ADGRA3: variants seen among roughly 807,000 people sequenced by gnomAD.
ADGRA3 encodes the protein adhesion G protein-coupled receptor A3.
In ADGRA3, 56 loss-of-function variants were observed where a neutral mutation model predicts 119.8. The observed-to-expected ratio is 0.47, with a 90% CI of 0.38 to 0.58. The LOEUF (loss-of-function observed/expected upper bound fraction) is 0.58, where lower values mean the gene tolerates loss of function less well. Among genes scored for constraint, ADGRA3 ranks in the 20% least tolerant of loss-of-function variants. The probability of loss-of-function intolerance (pLI) is 0.00; values close to 1 mark genes in which losing one functional copy is unlikely to be tolerated. For synonymous variants in ADGRA3, 607 were observed against 623.8 expected (o/e 0.97, Z 0.40); for missense variants, 1,516 against 1,649.0 (o/e 0.92, Z 1.40).
intron 14 of ADGRA3, among the ~76,000 whole-genome samples, chr4:22,410,951 TAA>T (rs1715174984): frequency 6.6e-6 from 1 of 152,164 alleles, no homozygotes; most frequent in African/African-American, 2.4e-5. Context: ...TTTAAGAGAT[TAA>T]AAGTCTGAAA....
intron 1 of ADGRA3, 126 bp from the exon 2 acceptor site, chr4:22,473,969 T>C: frequency 1.9e-6 from 1 of 534,282 alleles, no homozygotes; most frequent in Non-Finnish European, 3.2e-6. Context: ...ATGTTTGAGA[T>C]GGCTGAAAAA....
At chr4:22,507,584 G>C (rs140655994) in intron 1 of ADGRA3, among the ~76,000 whole-genome samples, 1 of 152,242 alleles carries the variant, frequency 6.6e-6, no homozygotes, top group East Asian at 1.9e-4. Context: ...TATCATATTC[G>C]TTTGTTTTGG....
chr4:22,411,978 G>C (rs1281418732), intron 14 of ADGRA3, among the ~76,000 whole-genome samples: 1 of 151,846 alleles, frequency 6.6e-6, no homozygotes, highest in Non-Finnish European at 1.5e-5. Flanking sequence ...ACATACAAGA[G>C]TCAAAGAAAA....
At chr4:22,470,615 G>A (rs779656236) in intron 2 of ADGRA3, among the ~76,000 whole-genome samples, 6 of 152,162 alleles carry the variant, frequency 3.9e-5, no homozygotes, top group Non-Finnish European at 7.3e-5. Flanking sequence ...CCTATCTGCT[G>A]TATTTTCAAG....
chr4:22,450,946 AAAAAAAT>A (rs1185245390), intron 4 of ADGRA3, among the ~76,000 whole-genome samples: 3 of 139,514 alleles, frequency 2.2e-5, no homozygotes, highest in Admixed American at 7.2e-5. Context: ...GAAAAAAAAA[AAAAAAAT>A]ATATATATAT....
chr4:22,430,994 T>C (rs1716143685), intron 10 of ADGRA3, among the ~76,000 whole-genome samples: 1 of 152,118 alleles, frequency 6.6e-6, no homozygotes, highest in Non-Finnish European at 1.5e-5. Flanking sequence ...GTTGAGATTG[T>C]GGGTGCACAG....
At chr4:22,391,728 A>T (rs988442572) in intron 17 of ADGRA3, among the ~76,000 whole-genome samples, 1 of 152,162 alleles carries the variant, frequency 6.6e-6, no homozygotes, top group Non-Finnish European at 1.5e-5. Context: ...GCCAACTTTC[A>T]TCCTGAATTC....
chr4:22,488,764 G>T (rs923130211), intron 1 of ADGRA3, among the ~76,000 whole-genome samples: 1 of 152,062 alleles, frequency 6.6e-6, no homozygotes, highest in Non-Finnish European at 1.5e-5. Flanking sequence ...TTAAAATTTG[G>T]GGAAAACATA....
At chr4:22,409,933 T>C (rs977933080) in intron 14 of ADGRA3, among the ~76,000 whole-genome samples, 18 of 152,226 alleles carry the variant, frequency 1.2e-4, no homozygotes, top group African/African-American at 3.6e-4. Flanking sequence ...TGTTAATGTG[T>C]AGAAATAAAT....
chr4:22,429,689 T>C (rs908736763), intron 10 of ADGRA3, among the ~76,000 whole-genome samples: 1 of 152,202 alleles, frequency 6.6e-6, no homozygotes. Context: ...GAAACACAAG[T>C]TGACCTTCAA....
At chr4:22,411,949 A>G (rs908380365) in intron 14 of ADGRA3, among the ~76,000 whole-genome samples, 7 of 152,066 alleles carry the variant, frequency 4.6e-5, no homozygotes, top group Non-Finnish European at 1.0e-4. Flanking sequence ...AATTGAAACA[A>G]CAACAACAAC....
intron 1 of ADGRA3, among the ~76,000 whole-genome samples, chr4:22,514,082 A>T (rs1400256659): frequency 1.3e-5 from 2 of 152,158 alleles, no homozygotes; most frequent in East Asian, 1.9e-4. Context: ...CTGGACCTAA[A>T]CATGAGTCAA....
chr4:22,444,044 T>C (rs1716732887), intron 6 of ADGRA3, among the ~76,000 whole-genome samples: 1 of 151,982 alleles, frequency 6.6e-6, no homozygotes, highest in Non-Finnish European at 1.5e-5. Flanking sequence ...GTTTTTGTTT[T>C]TGTTTCTTTT....
chr4:22,480,190 T>C (rs1718217830), intron 1 of ADGRA3, among the ~76,000 whole-genome samples: 1 of 152,218 alleles, frequency 6.6e-6, no homozygotes, highest in Non-Finnish European at 1.5e-5. Flanking sequence ...GGCAAAAGGC[T>C]TGAACAGATA....
chr4:22,401,489 G>T lies in ADGRA3; in HGVS notation c.2423C>A (p.Thr808Asn). ...TATTCCTCCCACAAAGACCACACAG[G>T]TTAGGAAAATATGAAAGCACAAGTT... The part of the protein sequence containing the change: ...LVNLCFHIFL[T>N]CVVFVGGITQ... Residue 808 changes from threonine to asparagine, a missense_variant, in exon 16 of 19, where the codon ACC becomes AAC. Thr to Asn is a moderately conservative substitution (Grantham distance 65). Coordinates refer to ENST00000334304, the MANE Select transcript of ADGRA3 (RefSeq NM_145290.4). The T allele has an allele frequency of 6.2e-7, 1 of 1,611,556 alleles. No homozygotes were observed. Among genetic ancestry groups the T allele is most frequent in the Non-Finnish European group, 8.5e-7 (1 of 1,178,558 alleles).
intron 2 of ADGRA3, among the ~76,000 whole-genome samples, chr4:22,462,884 G>A (rs1263562593): frequency 6.6e-6 from 1 of 152,180 alleles, no homozygotes; most frequent in Non-Finnish European, 1.5e-5. Flanking sequence ...TGGTGGCTGG[G>A]CTCAGCTGGG....
intron 1 of ADGRA3, among the ~76,000 whole-genome samples, chr4:22,484,776 G>T (rs1283943460): frequency 3.3e-5 from 5 of 152,110 alleles, no homozygotes; most frequent in Non-Finnish European, 7.4e-5. Context: ...CAGCTCTTAA[G>T]AATAATTAGA....
At chr4:22,421,839 C>T (rs1181676250) in intron 11 of ADGRA3, among the ~76,000 whole-genome samples, 1 of 130,330 alleles carries the variant, frequency 7.7e-6, no homozygotes, top group Non-Finnish European at 1.5e-5. Context: ...CAAGATTGTG[C>T]CACAGCACTC....
chr4:22,510,147 T>C (rs2109187310), intron 1 of ADGRA3, among the ~76,000 whole-genome samples: 1 of 152,216 alleles, frequency 6.6e-6, no homozygotes, highest in Middle Eastern at 3.4e-3. Flanking sequence ...GTTATTGCTA[T>C]CTGGTGCACT....
Sources: allele counts gnomAD v4.1 joint callset (sites outside exome capture counted in the v4.1 genomes callset), GRCh38; gene constraint gnomAD v4.1.1; transcripts MANE v1.5; gene names NCBI Gene and HGNC (gene_info 2026-07-23, HGNC 2026-07-21).